Variants in LPGAT1 observed in about 807,000 individuals in gnomAD.
The protein encoded by LPGAT1 is acyl-CoA:lysophosphatidylglycerol acyltransferase 1.
A neutral mutation model predicts 47.5 loss-of-function variants in LPGAT1; 11 were observed. The observed-to-expected ratio is 0.23, with a 90% CI of 0.15 to 0.38. The LOEUF (loss-of-function observed/expected upper bound fraction) is 0.38, where lower values mean the gene tolerates loss of function less well. LPGAT1 is among the 10% of genes least tolerant of loss of function. The pLI is 1.00. For missense variants in LPGAT1, 293 were observed against 439.0 expected, an observed-to-expected ratio of 0.67 and a Z score of 2.97; for synonymous variants, 138 against 144.2, an observed-to-expected ratio of 0.96 and a Z score of 0.31.
intron 2 of LPGAT1, 80 bp downstream of exon 2, chr1:211,828,979 C>T (rs1660629201): frequency 1.4e-6 from 2 of 1,433,560 alleles, no homozygotes; most frequent in South Asian, 2.6e-5. Flanking sequence ...GCATCCTCAA[C>T]CCAAAGTGTA....
chr1:211,774,204 G>A (rs1021769889), intron 6 of LPGAT1, among the ~76,000 whole-genome samples: 4 of 123,904 alleles, frequency 3.2e-5, no homozygotes, highest in Non-Finnish European at 4.8e-5. Flanking sequence ...GCACAATCTC[G>A]GCTCACCACA....
At chr1:211,760,256 C>T (rs1657638596) in intron 6 of LPGAT1, among the ~76,000 whole-genome samples, 1 of 152,144 alleles carries the variant, frequency 6.6e-6, no homozygotes, top group Admixed American at 6.5e-5. Context: ...GGTAGGGAGA[C>T]CATCCTGGCT....
At chr1:211,755,454 T>C (rs140696607) in intron 6 of LPGAT1, among the ~76,000 whole-genome samples, 309 of 152,050 alleles carry the variant, frequency 2.0e-3, no homozygotes, top group Middle Eastern at 6.8e-3. Flanking sequence ...TACTTATGAA[T>C]TACATTATAA....
At chr1:211,820,206 G>A (rs1456468431) in intron 2 of LPGAT1, among the ~76,000 whole-genome samples, 1 of 152,038 alleles carries the variant, frequency 6.6e-6, no homozygotes, top group African/African-American at 2.4e-5. Flanking sequence ...GCAGAAATCT[G>A]GAAATCTACC....
At chr1:211,764,648 C>G (rs1657833202) in intron 6 of LPGAT1, among the ~76,000 whole-genome samples, 1 of 152,132 alleles carries the variant, frequency 6.6e-6, no homozygotes, top group African/African-American at 2.4e-5. Flanking sequence ...TTTATAGCTT[C>G]CCCCTGGAAC....
At chr1:211,768,167 C>T (rs974716899) in intron 6 of LPGAT1, among the ~76,000 whole-genome samples, 3 of 151,908 alleles carry the variant, frequency 2.0e-5, no homozygotes, top group Non-Finnish European at 1.5e-5. Flanking sequence ...TTTCAATATC[C>T]TTGATTTAAA....
chr1:211,812,269 G>A (rs1413661460), intron 2 of LPGAT1, among the ~76,000 whole-genome samples: 1 of 152,024 alleles, frequency 6.6e-6, no homozygotes, highest in Non-Finnish European at 1.5e-5. Context: ...AGTTTCTAAG[G>A]GAACCAGAGA....
At chr1:211,796,157 T>C (rs1413432186) in intron 2 of LPGAT1, among the ~76,000 whole-genome samples, 20 of 152,178 alleles carry the variant, frequency 1.3e-4, no homozygotes, top group African/African-American at 4.1e-4. Flanking sequence ...GTTTGCTTTA[T>C]ATAAATCAGA....
chr1:211,750,988 CTTCTTT>C lies in LPGAT1; in HGVS notation c.928_933del (p.Lys310_Glu311del). The stretch of plus-strand genomic sequence containing the variant: ...GTTTCATAAAAATGTGATAAGAGGT[CTTCTTT>C]TTCAACAAACCGCTGATAGAGCCAA... On this transcript the variant is annotated inframe_deletion, in exon 7 of 8. Coordinates refer to ENST00000366997, the MANE Select transcript of LPGAT1 (RefSeq NM_014873.3). 1 of 1,613,426 alleles carries C rather than the reference CTTCTTT, an allele frequency of 6.2e-7. No homozygotes were observed. Among genetic ancestry groups the C allele is most frequent in the Non-Finnish European group, 8.5e-7 (1 of 1,179,424 alleles).
At chr1:211,765,775 T>C (rs1657882894) in intron 6 of LPGAT1, among the ~76,000 whole-genome samples, 1 of 152,196 alleles carries the variant, frequency 6.6e-6, no homozygotes, top group South Asian at 2.1e-4. Flanking sequence ...TTTAGTTCTA[T>C]GTGTATAGGT....
chr1:211,808,147 A>G (rs2102582253), intron 2 of LPGAT1, among the ~76,000 whole-genome samples: 1 of 152,206 alleles, frequency 6.6e-6, no homozygotes, highest in East Asian at 1.9e-4. Context: ...GGAGTTCGAG[A>G]CCAGCCTGAC....
rs141730507 is a variant in LPGAT1, at chr1:211,795,428, C to T, written c.239-2238G>A. Among the ~76,000 whole-genome samples the T allele has an allele frequency of 5.6e-3, 852 of 152,214 alleles. 6 individuals carry two copies. Among genetic ancestry groups the T allele is most frequent in the African/African-American group, 0.019 (805 of 41,540 alleles). On this transcript the variant is annotated intron_variant, in intron 2 of 7. Transcript: ENST00000366997. ...TGTTGCCCAGGCTGGAGTGCAATGG[C>T]GTGATCTCAGCTCACCGCAACCTCC...
rs546206736 is a variant in LPGAT1 at position 211,817,898 on chromosome 1, G to A, written c.238+11161C>T. On this transcript the variant is annotated intron_variant, in intron 2 of 7. Transcript: ENST00000366997. ...GAGACAGGCTGGAGTGCAGTGGTGC[G>A]ATCTCAGCTCACTGCAACTTCTGCC... 5.3e-5 allele frequency among the ~76,000 whole-genome samples: 8 copies of A among 152,152 alleles called. No homozygotes were observed. In the East Asian group the frequency reaches 1.4e-3, roughly 26 times the overall value.
intron 2 of LPGAT1, among the ~76,000 whole-genome samples, chr1:211,819,939 T>A (rs1268879747): frequency 1.3e-5 from 2 of 151,580 alleles, no homozygotes; most frequent in Non-Finnish European, 2.9e-5. Flanking sequence ...GAGCCAAGAC[T>A]GCACCACTAC....
intron 1 of LPGAT1, 74 bp from the exon 2 acceptor site, chr1:211,829,397 C>G (rs574247185): frequency 3.2e-6 from 5 of 1,558,848 alleles, no homozygotes; most frequent in Non-Finnish European, 4.3e-6. Flanking sequence ...ACATAGAAAT[C>G]GCCCCCAGCA....
Position 211,744,724 on chromosome 1 carries a change from AATAC to A in LPGAT1, c.*5171_*5174del, listed in dbSNP as rs1206334688. 2 of 152,352 alleles carry A rather than the reference AATAC, an allele frequency of 1.3e-5. No homozygotes were observed. The highest frequency in any genetic ancestry group is 3.9e-4 in the East Asian group (2 of 5,188). 9.4% of individuals were successfully genotyped at this position (152,352 alleles called of 1,614,324 possible). ...AATTTATAACAAACATGTATAGTTG[AATAC>A]ATAATTTTCTCCCAGAAGAGTGAAC... On this transcript the variant is annotated 3_prime_UTR_variant, in exon 8 of 8. Transcript: ENST00000366997.
In LPGAT1 at chr1:211,745,083, T is replaced by TTTCTGAAAAGGTGATCTGGTTACCAAAA. The variant is rs1478916885; in HGVS notation, c.*4788_*4815dup. ...GCTTCTTTTGGTGTTCACATCTAAA[T>TTTCTGAAAAGGTGATCTGGTTACCAAAA]TTCTGAAAAGGTGATCTGGTTACCA... On this transcript the variant is annotated 3_prime_UTR_variant, in exon 8 of 8. Transcript: ENST00000366997. 1 of 152,658 alleles carries TTTCTGAAAAGGTGATCTGGTTACCAAAA rather than the reference T, an allele frequency of 6.6e-6. No individual in the cohort carries two copies. Among genetic ancestry groups the TTTCTGAAAAGGTGATCTGGTTACCAAAA allele is most frequent in the Non-Finnish European group, 1.5e-5 (1 of 68,030 alleles). 9.5% of individuals were successfully genotyped at this position (152,658 alleles called of 1,614,324 possible).
chr1:211,813,924 C>T (rs934214645), intron 2 of LPGAT1, among the ~76,000 whole-genome samples: 2 of 152,148 alleles, frequency 1.3e-5, no homozygotes, highest in Admixed American at 1.3e-4. Flanking sequence ...TAGTCAAGAA[C>T]ATGAAGGAGA....
In LPGAT1 at chr1:211,793,056, C is replaced by G; in HGVS notation, c.357+16G>C. The stretch of plus-strand genomic sequence containing the variant: ...TCCTTTCTGGATGTCTATCTACTGC[C>G]TTCAGGGTAGCTTACCAGTCCTTTG... On this transcript the variant is annotated intron_variant, in intron 3 of 7. Coordinates refer to ENST00000366997, the MANE Select transcript of LPGAT1 (RefSeq NM_014873.3). 1 of 1,552,186 alleles carries G rather than the reference C, an allele frequency of 6.4e-7. No individual in the cohort carries two copies. Among genetic ancestry groups the G allele is most frequent in the Non-Finnish European group, 8.8e-7 (1 of 1,136,670 alleles).
Sources: allele counts gnomAD v4.1 joint callset (sites outside exome capture counted in the v4.1 genomes callset), GRCh38; gene constraint gnomAD v4.1.1; transcripts MANE v1.5; gene names NCBI Gene and HGNC (gene_info 2026-07-23, HGNC 2026-07-21).